The following NPAS3 variants were observed in gnomAD, a reference collection of about 807,000 sequenced individuals.
NPAS3 encodes neuronal PAS domain-containing protein 3.
NPAS3 carries 14 observed loss-of-function variants against 73.1 expected under a neutral mutation model. That is an observed-to-expected ratio of 0.19 (90% CI 0.13 to 0.30). The LOEUF is 0.30. NPAS3 is among the 10% of genes least tolerant of loss of function. The probability of loss-of-function intolerance (pLI) is 1.00; values close to 1 mark genes in which losing one functional copy is unlikely to be tolerated. For missense variants in NPAS3, 1,096 were observed against 1,250.0 expected, an observed-to-expected ratio of 0.88 and a Z score of 1.86; for synonymous variants, 620 against 541.5, an observed-to-expected ratio of 1.14 and a Z score of -2.01.
At chr14:33,003,399 C>A (rs1256159964) in intron 1 of NPAS3, among the ~76,000 whole-genome samples, 1 of 152,094 alleles carries the variant, frequency 6.6e-6, no homozygotes, top group African/African-American at 2.4e-5. Flanking sequence ...GCATGTGAAA[C>A]TTAACAAATC....
At chr14:33,567,747 T>A (rs1156490590) in intron 5 of NPAS3, among the ~76,000 whole-genome samples, 2 of 152,238 alleles carry the variant, frequency 1.3e-5, no homozygotes, top group African/African-American at 4.8e-5. Flanking sequence ...TACAGGTGCA[T>A]TTCTTTCTCT....
At chr14:33,447,298 A>G (rs1309116301) in intron 4 of NPAS3, among the ~76,000 whole-genome samples, 1 of 152,232 alleles carries the variant, frequency 6.6e-6, no homozygotes, top group East Asian at 1.9e-4. Flanking sequence ...AGGCACAGAA[A>G]CACAGAAGAG....
chr14:33,436,257 G>T (rs528995164), intron 4 of NPAS3, among the ~76,000 whole-genome samples: 18 of 152,234 alleles, frequency 1.2e-4, no homozygotes, highest in African/African-American at 3.9e-4. Flanking sequence ...GCATGCAAAT[G>T]TTATCTCTAA....
At chr14:33,678,345 G>C (rs1030613442) in intron 6 of NPAS3, among the ~76,000 whole-genome samples, 1 of 151,958 alleles carries the variant, frequency 6.6e-6, no homozygotes, top group African/African-American at 2.4e-5. Flanking sequence ...GGACATTTCT[G>C]ATTTACTCCT....
intron 2 of NPAS3, among the ~76,000 whole-genome samples, chr14:33,187,699 CCTGT>C (rs1490388524): frequency 1.3e-5 from 2 of 151,866 alleles, no homozygotes; most frequent in Non-Finnish European, 1.5e-5. Flanking sequence ...ATAGTGAGAA[CCTGT>C]CTAAGGGAAG....
At chr14:33,311,352 A>AATAC (rs1464915754) in intron 3 of NPAS3, among the ~76,000 whole-genome samples, 2 of 152,184 alleles carry the variant, frequency 1.3e-5, no homozygotes, top group African/African-American at 4.8e-5. Flanking sequence ...TTCATAAAAG[A>AATAC]ATACATTTTA....
chr14:33,406,512 C>G (rs1275321979), intron 4 of NPAS3, among the ~76,000 whole-genome samples: 1 of 152,110 alleles, frequency 6.6e-6, no homozygotes, highest in Non-Finnish European at 1.5e-5. Context: ...TCAGGGGCAT[C>G]TAACAGAAGA....
chr14:33,154,309 T>G (rs937945255), intron 2 of NPAS3, among the ~76,000 whole-genome samples: 1 of 152,226 alleles, frequency 6.6e-6, no homozygotes, highest in Non-Finnish European at 1.5e-5. Context: ...TTTATGCTTC[T>G]GACTATACCT....
At chr14:33,571,304 T>C (rs1280763932) in intron 5 of NPAS3, among the ~76,000 whole-genome samples, 2 of 152,162 alleles carry the variant, frequency 1.3e-5, no homozygotes, top group Non-Finnish European at 2.9e-5. Context: ...GGCTCCTTCT[T>C]CTTTAAAATG....
intron 6 of NPAS3, among the ~76,000 whole-genome samples, chr14:33,697,299 C>T (rs1595459418): frequency 1.3e-5 from 2 of 152,298 alleles, no homozygotes; most frequent in Middle Eastern, 3.4e-3. Flanking sequence ...TGCCCCCAGG[C>T]AGCTTGGACT....
chr14:33,714,703 G>A (rs187895849), intron 6 of NPAS3, among the ~76,000 whole-genome samples: 73 of 152,152 alleles, frequency 4.8e-4, no homozygotes, highest in Non-Finnish European at 8.8e-4. Context: ...AATACCTTAC[G>A]TCACTGATTC....
chr14:33,164,549 C>A (rs950299063), intron 2 of NPAS3, among the ~76,000 whole-genome samples: 4 of 151,786 alleles, frequency 2.6e-5, no homozygotes, highest in South Asian at 4.2e-4. Context: ...TAAAAAAAAA[C>A]CACAGAGATA....
At chr14:33,672,813 C>T (rs1251926610) in intron 5 of NPAS3, among the ~76,000 whole-genome samples, 1 of 152,106 alleles carries the variant, frequency 6.6e-6, no homozygotes, top group Non-Finnish European at 1.5e-5. Context: ...TAAACTTGAA[C>T]ATGCATTTTA....
At chr14:33,551,112 C>G (rs1429350965) in intron 4 of NPAS3, among the ~76,000 whole-genome samples, 1 of 152,240 alleles carries the variant, frequency 6.6e-6, no homozygotes, top group East Asian at 1.9e-4. Flanking sequence ...TGAATTATCC[C>G]CAACCAGAAT....
intron 2 of NPAS3, among the ~76,000 whole-genome samples, chr14:33,126,697 G>A (rs1245982257): frequency 6.6e-6 from 1 of 152,134 alleles, no homozygotes; most frequent in African/African-American, 2.4e-5. Context: ...TGGAAAGACT[G>A]TGGCAGCTCA....
intron 4 of NPAS3, among the ~76,000 whole-genome samples, chr14:33,401,196 A>T (rs1311016153): frequency 1.3e-5 from 2 of 152,168 alleles, no homozygotes; most frequent in Admixed American, 6.5e-5. Context: ...CAGAAAGCTG[A>T]TAAGTCTGAA....
At chr14:33,653,880 T>C (rs1231185076) in intron 5 of NPAS3, among the ~76,000 whole-genome samples, 1 of 152,202 alleles carries the variant, frequency 6.6e-6, no homozygotes, top group Non-Finnish European at 1.5e-5. Context: ...AGGCCCGTTA[T>C]TGTGTAGAAA....
intron 5 of NPAS3, among the ~76,000 whole-genome samples, chr14:33,635,885 T>C (rs1212295646): frequency 6.6e-6 from 1 of 152,252 alleles, no homozygotes; most frequent in East Asian, 1.9e-4. Flanking sequence ...CCAGCACCTG[T>C]ACATACATCC....
chr14:33,057,366 TTTC>T (rs2040928587), intron 2 of NPAS3, among the ~76,000 whole-genome samples: 1 of 152,210 alleles, frequency 6.6e-6, no homozygotes, highest in Admixed American at 6.5e-5. Flanking sequence ...GGTGGCCAGG[TTTC>T]TGTAATTTGT....
Sources: allele counts gnomAD v4.1 joint callset (sites outside exome capture counted in the v4.1 genomes callset), GRCh38; gene constraint gnomAD v4.1.1; transcripts MANE v1.5; gene names NCBI Gene and HGNC (gene_info 2026-07-23, HGNC 2026-07-21).